Variants in NDST4 observed in about 807,000 individuals in gnomAD.
NDST4 encodes the protein N-deacetylase and N-sulfotransferase 4.
Under a neutral mutation model 100.8 loss-of-function variants are expected in NDST4, and 63 were observed. The observed-to-expected ratio is 0.62, with a 90% CI of 0.51 to 0.77. NDST4 has a LOEUF of 0.77. Among genes scored for constraint, NDST4 ranks in the 30% least tolerant of loss-of-function variants. The probability of loss-of-function intolerance (pLI) is 0.00; values close to 1 mark genes in which losing one functional copy is unlikely to be tolerated. For missense variants in NDST4, 943 were observed against 1,018.4 expected (o/e 0.93, Z 1.01); for synonymous variants, 377 against 361.8 (o/e 1.04, Z -0.48).
intron 6 of NDST4, among the ~76,000 whole-genome samples, chr4:114,912,473 A>G (rs1264583514): frequency 1.3e-5 from 2 of 152,156 alleles, no homozygotes; most frequent in Non-Finnish European, 2.9e-5. Flanking sequence ...ATTTGAAATG[A>G]TGCTTTCTGA....
intron 2 of NDST4, among the ~76,000 whole-genome samples, chr4:115,055,262 C>A (rs1728669002): frequency 6.6e-6 from 1 of 152,014 alleles, no homozygotes; most frequent in African/African-American, 2.4e-5. Context: ...ATAATTATTT[C>A]ATAATATATT....
At chr4:114,842,253 G>A (rs2126184440) in intron 10 of NDST4, among the ~76,000 whole-genome samples, 1 of 152,068 alleles carries the variant, frequency 6.6e-6, no homozygotes, top group African/African-American at 2.4e-5. Flanking sequence ...TCAAACTGCT[G>A]TGTCTTCAAA....
intron 1 of NDST4, among the ~76,000 whole-genome samples, chr4:115,105,773 A>G (rs1416125116): frequency 6.6e-6 from 1 of 152,164 alleles, no homozygotes; most frequent in East Asian, 1.9e-4. Context: ...GACATTGCAT[A>G]GAAACAACTT....
intron 1 of NDST4, among the ~76,000 whole-genome samples, chr4:115,094,575 T>C (rs1218842277): frequency 6.6e-6 from 1 of 152,198 alleles, no homozygotes; most frequent in East Asian, 1.9e-4. Flanking sequence ...GCAGCCATTA[T>C]AGGTTGAATT....
At chr4:115,058,349 A>G (rs748311763) in intron 2 of NDST4, among the ~76,000 whole-genome samples, 5 of 152,160 alleles carry the variant, frequency 3.3e-5, no homozygotes, top group Non-Finnish European at 5.9e-5. Context: ...CTTCAATCAT[A>G]CCATTGCCAA....
At chr4:114,877,861 A>G (rs1274497076) in intron 6 of NDST4, among the ~76,000 whole-genome samples, 1 of 152,166 alleles carries the variant, frequency 6.6e-6, no homozygotes, top group Non-Finnish European at 1.5e-5. Flanking sequence ...CTGAGGCAGA[A>G]GAATTGCTTC....
intron 4 of NDST4, among the ~76,000 whole-genome samples, chr4:114,966,042 A>G (rs1360961295): frequency 6.6e-6 from 1 of 152,032 alleles, no homozygotes; most frequent in African/African-American, 2.4e-5. Flanking sequence ...AAGAACCAAA[A>G]AGTATTTTTC....
chr4:115,022,434 C>CATATATATATGTGTTCCAT (rs201487140), intron 2 of NDST4, among the ~76,000 whole-genome samples: 1 of 8,638 alleles, frequency 1.2e-4, no homozygotes, highest in African/African-American at 4.4e-4. Context: ...ATATGTGTTC[C>CATATATATATGTGTTCCAT]ATATATATGT....
intron 4 of NDST4, among the ~76,000 whole-genome samples, chr4:114,951,653 A>G (rs891893655): frequency 1.3e-5 from 2 of 152,132 alleles, no homozygotes; most frequent in South Asian, 2.1e-4. Context: ...TATTTTACAT[A>G]TTTGAAAATT....
chr4:115,089,710 A>T (rs1729475621), intron 1 of NDST4, among the ~76,000 whole-genome samples: 1 of 151,984 alleles, frequency 6.6e-6, no homozygotes, highest in Non-Finnish European at 1.5e-5. Context: ...TAGATTAGTA[A>T]CAATCTTGAG....
At chr4:114,985,087 A>T (rs1174634459) in intron 2 of NDST4, among the ~76,000 whole-genome samples, 1 of 152,208 alleles carries the variant, frequency 6.6e-6, no homozygotes, top group African/African-American at 2.4e-5. Flanking sequence ...ATTAAAAATG[A>T]GTGAATGCTT....
chr4:115,081,226 A>C (rs1052947350), intron 1 of NDST4, among the ~76,000 whole-genome samples: 3 of 152,186 alleles, frequency 2.0e-5, no homozygotes, highest in South Asian at 4.1e-4. Context: ...CCACCATGGA[A>C]GACATATGTG....
chr4:114,958,889 A>G (rs1726198886), intron 4 of NDST4, among the ~76,000 whole-genome samples: 1 of 152,150 alleles, frequency 6.6e-6, no homozygotes, highest in Non-Finnish European at 1.5e-5. Context: ...ATTCCAAACC[A>G]TATCTTTGTG....
chr4:114,867,451 G>C (rs151042239), intron 7 of NDST4, among the ~76,000 whole-genome samples: 2 of 151,958 alleles, frequency 1.3e-5, no homozygotes, highest in East Asian at 3.9e-4. Context: ...CATTCTCCTA[G>C]TCACACAGAA....
chr4:114,857,695 T>C (rs1723826522), intron 7 of NDST4, among the ~76,000 whole-genome samples: 1 of 152,202 alleles, frequency 6.6e-6, no homozygotes, highest in African/African-American at 2.4e-5. Context: ...TTGTGGGCAG[T>C]GTACCTAGTC....
chr4:115,082,398 A>C (rs1453342220), intron 1 of NDST4, among the ~76,000 whole-genome samples: 1 of 152,158 alleles, frequency 6.6e-6, no homozygotes, highest in Non-Finnish European at 1.5e-5. Flanking sequence ...CAGAGAAGTG[A>C]GTTAGTAAAC....
intron 6 of NDST4, among the ~76,000 whole-genome samples, chr4:114,924,377 C>G (rs1023665581): frequency 1.8e-4 from 27 of 148,586 alleles, no homozygotes; most frequent in African/African-American, 6.2e-4. Context: ...GAATCCCTTA[C>G]AGAAGTGGTG....
chr4:115,004,236 CA>C (rs1265403303), intron 2 of NDST4, among the ~76,000 whole-genome samples: 1 of 152,124 alleles, frequency 6.6e-6, no homozygotes, highest in South Asian at 2.1e-4. Flanking sequence ...CAATTAAAAC[CA>C]AAAAAATTAA....
intron 6 of NDST4, among the ~76,000 whole-genome samples, chr4:114,895,953 A>C (rs1027771538): frequency 2.0e-5 from 3 of 152,186 alleles, no homozygotes; most frequent in Admixed American, 1.3e-4. Flanking sequence ...CATGCTTCCT[A>C]ATTTTCAAAA....
Sources: allele counts gnomAD v4.1 joint callset (sites outside exome capture counted in the v4.1 genomes callset), GRCh38; gene constraint gnomAD v4.1.1; transcripts MANE v1.5; gene names NCBI Gene and HGNC (gene_info 2026-07-23, HGNC 2026-07-21).